The following KSR1 variants were observed in gnomAD, a reference collection of about 807,000 sequenced individuals.
The protein encoded by KSR1 is kinase suppressor of ras.
Under a neutral mutation model 92.9 loss-of-function variants are expected in KSR1, and 35 were observed. The ratio of observed to expected loss-of-function variants is 0.38; its 90% CI spans 0.29 to 0.50. The LOEUF (loss-of-function observed/expected upper bound fraction) is 0.50, where lower values mean the gene tolerates loss of function less well. Ranked by LOEUF, KSR1 falls within the 20% of genes least tolerant of loss-of-function variation. KSR1 has a pLI of 0.94. For synonymous variants in KSR1, 467 were observed against 472.6 expected, an observed-to-expected ratio of 0.99 and a Z score of 0.15; for missense variants, 972 against 1,158.5, an observed-to-expected ratio of 0.84 and a Z score of 2.34.
intron 1 of KSR1, among the ~76,000 whole-genome samples, chr17:27,525,797 C>G (rs2070236537): frequency 6.6e-6 from 1 of 152,198 alleles, no homozygotes; most frequent in Non-Finnish European, 1.5e-5. Flanking sequence ...TAGTTGGGGC[C>G]AAGGACACCC....
chr17:27,465,872 A>G (rs562998828), intron 1 of KSR1, among the ~76,000 whole-genome samples: 1 of 152,132 alleles, frequency 6.6e-6, no homozygotes, highest in Non-Finnish European at 1.5e-5. Flanking sequence ...AGGAAAAAAA[A>G]AAGCCACCTG....
intron 10 of KSR1, among the ~76,000 whole-genome samples, chr17:27,599,575 A>G (rs1340196254): frequency 6.6e-6 from 1 of 152,158 alleles, no homozygotes; most frequent in Admixed American, 6.5e-5. Flanking sequence ...TCAATCAGTC[A>G]ATTGTTCTTT....
At chr17:27,534,205 C>T (rs903673761) in intron 1 of KSR1, among the ~76,000 whole-genome samples, 13 of 152,354 alleles carry the variant, frequency 8.5e-5, no homozygotes, top group Admixed American at 3.3e-4. Flanking sequence ...GAAAGCCATC[C>T]TTTCAGTGTG....
rs1037457194 is a variant in KSR1 at position 27,624,918 on chromosome 17, C to G, written c.*1526C>G. On this transcript the variant is annotated 3_prime_UTR_variant, in exon 21 of 21. Transcript: ENST00000644974. ...CTGCCAGCAAGCTGTGGAGCTGCCT[C>G]CTCTCCAGGCCTGGCATCCCTTGGT... 2.0e-5 allele frequency: 3 copies of G among 152,346 alleles called. No homozygotes were observed. The highest frequency in any genetic ancestry group is 7.2e-5 in the African/African-American group (3 of 41,474). 9.4% of individuals were successfully genotyped at this position (152,346 alleles called of 1,614,324 possible).
chr17:27,605,409 C>T (rs1451463269), intron 13 of KSR1, 25 bp from the exon 14 acceptor site: 2 of 1,599,988 alleles, frequency 1.3e-6, no homozygotes, highest in Non-Finnish European at 1.7e-6. Flanking sequence ...GCTGCCCATC[C>T]CTGTTCTTCC....
intron 1 of KSR1, among the ~76,000 whole-genome samples, chr17:27,469,728 C>G (rs571335981): frequency 3.4e-4 from 52 of 152,246 alleles, no homozygotes; most frequent in African/African-American, 1.2e-3. Context: ...AGCATTACTC[C>G]AAAACACTTT....
chr17:27,605,776 G>T lies in KSR1; in HGVS notation c.1957G>T (p.Ala653Ser). 6.2e-7 allele frequency: 1 copy of T among 1,612,696 alleles called. No homozygotes were observed. The highest frequency in any genetic ancestry group is 8.5e-7 in the Non-Finnish European group (1 of 1,179,828). ...TGAGAACGTGGTGCTCTTCATGGGG[G>T]CCTGCATGAACCCGCCCCACCTGGC... Reference protein sequence around the residue: ...RHENVVLFMGACMNPPHLAII... With the variant: ...RHENVVLFMGSCMNPPHLAII... Residue 653 changes from alanine to serine, a missense_variant, in exon 14 of 21, where the codon GCC (alanine) becomes TCC (serine). By Grantham distance (99) the Ala-to-Ser change is moderately conservative (BLOSUM62 1). Around this residue, in one of 5 missense-constraint regions of KSR1, gnomAD observed 260 missense variants for 375.2 expected, o/e 0.69. Transcript: ENST00000644974.
At chr17:27,568,445 C>T (rs774725255) in intron 2 of KSR1, among the ~76,000 whole-genome samples, 10 of 152,282 alleles carry the variant, frequency 6.6e-5, no homozygotes, top group African/African-American at 1.4e-4. Flanking sequence ...ATAGTCTGGA[C>T]GCCCTCTGGC....
intron 1 of KSR1, among the ~76,000 whole-genome samples, chr17:27,470,199 G>T (rs934519331): frequency 6.6e-6 from 1 of 151,066 alleles, no homozygotes; most frequent in East Asian, 1.9e-4. Flanking sequence ...GGGATTACAG[G>T]TGCACACCAC....
rs569545200 is a variant in KSR1 at position 27,577,064 on chromosome 17, T to A, written c.373-428T>A. The stretch of plus-strand genomic sequence containing the variant: ...GGTTTTTTTGTTTTTTTTTTTTAAA[T>A]CCTTCCTTTCTTGAGCCAGTTTGAT... On this transcript the variant is annotated intron_variant, in intron 2 of 20. Transcript: ENST00000644974. This position sits in a 1 kb window ranked among gnomAD's most constrained non-coding sequence, Gnocchi z 4.5. Among the ~76,000 whole-genome samples the A allele has an allele frequency of 6.6e-6, 1 of 150,562 alleles. No homozygotes were observed. Among genetic ancestry groups the A allele is most frequent in the African/African-American group, 2.4e-5 (1 of 40,968 alleles).
chr17:27,466,834 T>G (rs1266993512), intron 1 of KSR1, among the ~76,000 whole-genome samples: 2 of 152,206 alleles, frequency 1.3e-5, no homozygotes, highest in Non-Finnish European at 2.9e-5. Flanking sequence ...GAGTCGAGGC[T>G]CCCACACTGC....
chr17:27,552,506 A>T (rs1392180768), intron 2 of KSR1, among the ~76,000 whole-genome samples: 1 of 152,176 alleles, frequency 6.6e-6, no homozygotes, highest in Non-Finnish European at 1.5e-5. Context: ...CCTGCAAGAG[A>T]GGCCAGTGTA....
intron 1 of KSR1, among the ~76,000 whole-genome samples, chr17:27,476,299 G>T (rs2068343464): frequency 6.6e-6 from 1 of 152,202 alleles, no homozygotes; most frequent in South Asian, 2.1e-4. Context: ...CAGGGCGCTT[G>T]TTGAGCCAGT....
rs149176135 is a variant in KSR1, at chr17:27,612,121, A to G, written c.2493+492A>G. Among the ~76,000 whole-genome samples the G allele has an allele frequency of 4.1e-3, 629 of 152,348 alleles. 4 individuals are homozygous for G. Among genetic ancestry groups the G allele is most frequent in the African/African-American group, 0.014 (572 of 41,588 alleles). On this transcript the variant is annotated intron_variant, in intron 18 of 20. Coordinates refer to ENST00000644974, the MANE Select transcript of KSR1 (RefSeq NM_001394583.1). Reference sequence around the variant, plus strand: ...TCTTAATTATAGTGGCCGACTTCTCATTTCTACATGGTTTCTCCTTAATGG... The same window carrying G: ...TCTTAATTATAGTGGCCGACTTCTCGTTTCTACATGGTTTCTCCTTAATGG...
At chr17:27,517,390 T>G (rs1597926738) in intron 1 of KSR1, among the ~76,000 whole-genome samples, 1 of 152,178 alleles carries the variant, frequency 6.6e-6, no homozygotes, top group African/African-American at 2.4e-5. Flanking sequence ...TGGAGTGCAG[T>G]GGCGTGATCT....
chr17:27,468,546 G>A (rs914217741), intron 1 of KSR1, among the ~76,000 whole-genome samples: 2 of 152,184 alleles, frequency 1.3e-5, no homozygotes, highest in Non-Finnish European at 2.9e-5. Context: ...AATCTTGAGT[G>A]ATCTAGGGTA....
At chr17:27,526,997 C>T in intron 1 of KSR1, 1 of 532,992 alleles carries the variant, frequency 1.9e-6, no homozygotes, top group Non-Finnish European at 3.5e-6. Flanking sequence ...CCTTGATGTT[C>T]TCCCAGCCCT....
chr17:27,592,691 C>T (rs1047354295), intron 9 of KSR1, 65 bp downstream of exon 9: 31 of 1,366,952 alleles, frequency 2.3e-5, no homozygotes, highest in Non-Finnish European at 1.0e-6. Flanking sequence ...TAAAGCACCC[C>T]TGCCTCAGAG....
Sources: gnomAD v4.1 joint callset for allele counts (sites outside exome capture counted in the v4.1 genomes callset) on GRCh38, gnomAD v4.1.1 for gene constraint, gnomAD v4.1.1 regional missense constraint, Gnocchi (gnomAD v3.1) non-coding constraint, MANE v1.5 for transcripts, NCBI Gene and HGNC (gene_info 2026-07-23, HGNC 2026-07-21) for gene names.